Variants in TFEC observed in about 807,000 individuals in gnomAD.
TFEC encodes the protein class E basic helix-loop-helix protein 34.
Under a neutral mutation model 41.6 loss-of-function variants are expected in TFEC, and 31 were observed. The ratio of observed to expected loss-of-function variants is 0.74; its 90% CI spans 0.56 to 1.01. The LOEUF (loss-of-function observed/expected upper bound fraction) is 1.01. TFEC is among the 50% of genes least tolerant of loss of function. The pLI is 0.00. For synonymous variants in TFEC, 143 were observed against 140.6 expected (o/e 1.02, Z -0.12); for missense variants, 402 against 404.1 (o/e 0.99, Z 0.04).
intron 3 of TFEC, among the ~76,000 whole-genome samples, chr7:116,099,314 T>C (rs890309522): frequency 2.0e-5 from 3 of 152,188 alleles, no homozygotes; most frequent in Non-Finnish European, 4.4e-5. Context: ...TGCACCATGT[T>C]AAATAATTAG....
At chr7:115,988,186 A>T (rs1406073520) in intron 1 of TFEC, among the ~76,000 whole-genome samples, 1 of 152,164 alleles carries the variant, frequency 6.6e-6, no homozygotes, top group Non-Finnish European at 1.5e-5. Flanking sequence ...TACAAGACAT[A>T]CTAAAAGGCT....
rs370317339 is a variant in TFEC, at chr7:116,095,257, A to G, written c.198+15451T>C. ...TCACCTTAAATCCTATTTTTTTCAT[A>G]AAGTTTTTCTGTTTTATTGAAAACA... On this transcript the variant is annotated intron_variant, in intron 3 of 8. Coordinates refer to the TFEC transcript ENST00000484212. 6.6e-5 allele frequency among the ~76,000 whole-genome samples: 10 copies of G among 152,158 alleles called. No individual in the cohort carries two copies. In the East Asian group the frequency reaches 1.7e-3, roughly 26 times the overall value.
intron 3 of TFEC, among the ~76,000 whole-genome samples, chr7:116,054,679 T>A (rs183758420): frequency 7.9e-5 from 12 of 152,272 alleles, no homozygotes; most frequent in Admixed American, 7.2e-4. Flanking sequence ...TATAAGTATG[T>A]CTCAAATATG....
chr7:115,961,313 G>T (rs1435084099), intron 3 of TFEC, among the ~76,000 whole-genome samples: 1 of 151,458 alleles, frequency 6.6e-6, no homozygotes, highest in Non-Finnish European at 1.5e-5. Context: ...TTAGAAAATT[G>T]TTAAAAACCT....
chr7:115,937,250 A>C lies in TFEC; in HGVS notation c.*3301T>G, dbSNP rs1428901174. 6.6e-6 allele frequency: 1 copy of C among 151,734 alleles called. No individual in the cohort carries two copies. The highest frequency in any genetic ancestry group is 1.5e-5 in the Non-Finnish European group (1 of 67,728). 9.4% of individuals were successfully genotyped at this position (151,734 alleles called of 1,614,324 possible). ...TTATGAATTAAATCTTTAAATGAAA[A>C]GGGATAATTGTATATTAATTGAATG... On this transcript the variant is annotated 3_prime_UTR_variant, in exon 8 of 8. Coordinates refer to ENST00000265440, the MANE Select transcript of TFEC (RefSeq NM_012252.4).
intron 3 of TFEC, among the ~76,000 whole-genome samples, chr7:116,083,363 T>C (rs911978098): frequency 6.6e-6 from 1 of 151,820 alleles, no homozygotes; most frequent in African/African-American, 2.4e-5. Context: ...TAAAAAAAAA[T>C]TTGTATATTT....
chr7:116,016,927 T>G (rs546637367), intron 1 of TFEC, among the ~76,000 whole-genome samples: 1 of 152,270 alleles, frequency 6.6e-6, no homozygotes, highest in African/African-American at 2.4e-5. Context: ...CTCCTTAGTC[T>G]TGTCCAATTC....
At chr7:115,940,990 G>T in intron 7 of TFEC, 59 bp from the exon 8 acceptor site, 2 of 1,443,292 alleles carry the variant, frequency 1.4e-6, no homozygotes, top group Non-Finnish European at 1.9e-6. Flanking sequence ...TAACACTAGA[G>T]AATAAGCCAG....
intron 1 of TFEC, among the ~76,000 whole-genome samples, chr7:116,124,073 C>T (rs1798162650): frequency 6.6e-6 from 1 of 152,030 alleles, no homozygotes; most frequent in African/African-American, 2.4e-5. Flanking sequence ...AACTATATTC[C>T]ATGAGTGGAA....
Position 116,045,113 on chromosome 7 carries a change from GC to G in TFEC, c.199-60601del, listed in dbSNP as rs1269908077. Among the ~76,000 whole-genome samples, 16 of 152,324 alleles carry G rather than the reference GC, an allele frequency of 1.1e-4. No homozygotes were observed. The South Asian group carries it at 3.3e-3, about 32-fold the overall frequency. ...GGCAGAGGTTGGAACAGTTTAGAGG[GC>G]TCAGAAGAAGACAGGAAAATATGGG... On this transcript the variant is annotated intron_variant, in intron 3 of 8. Transcript: ENST00000484212.
At chr7:116,041,828 A>G (rs1435019432) in intron 3 of TFEC, among the ~76,000 whole-genome samples, 4 of 152,196 alleles carry the variant, frequency 2.6e-5, no homozygotes, top group African/African-American at 4.8e-5. Context: ...AGACGCATGC[A>G]CACATGCAAA....
intron 1 of TFEC, among the ~76,000 whole-genome samples, chr7:116,146,591 TAC>T (rs1326079274): frequency 6.6e-6 from 1 of 152,168 alleles, no homozygotes; most frequent in Non-Finnish European, 1.5e-5. Flanking sequence ...GTTGGTAGGA[TAC>T]ACAGTTTCCT....
chr7:115,994,009 T>C (rs1017247738), intron 1 of TFEC, among the ~76,000 whole-genome samples: 1 of 152,118 alleles, frequency 6.6e-6, no homozygotes, highest in Non-Finnish European at 1.5e-5. Context: ...AAAACAGAGA[T>C]ATAGACCTAT....
chr7:115,940,614 A>C lies in TFEC; in HGVS notation c.981T>G (p.Pro327=). ...GTDPLLSATS[P]AVSKESSRRS... ...TCCTACTGCTTTCTTTGGAAACTGC[A>C]GGGGAAGTGGCAGATAGCAGAGGAT... The change falls in exon 8 of 8, where the codon CCT becomes CCG. Residue 327 remains proline (P), a synonymous_variant. Coordinates refer to ENST00000265440, the MANE Select transcript of TFEC (RefSeq NM_012252.4). 3 of 1,613,454 alleles carry C rather than the reference A, an allele frequency of 1.9e-6. No individual in the cohort carries two copies. The African/African-American group carries it at 4.0e-5, about 22-fold the overall frequency.
At chr7:116,059,100 C>T (rs1279571447) in intron 3 of TFEC, among the ~76,000 whole-genome samples, 1 of 151,558 alleles carries the variant, frequency 6.6e-6, no homozygotes, top group East Asian at 1.9e-4. Context: ...TTAAGAAAAT[C>T]AATAACATCG....
intron 3 of TFEC, among the ~76,000 whole-genome samples, chr7:116,046,463 C>A (rs1185154302): frequency 6.6e-6 from 1 of 152,004 alleles, no homozygotes. Context: ...GCTGCGTTTC[C>A]CCTCTTGCCA....
At chr7:115,949,096 A>G (rs1791779648) in intron 6 of TFEC, among the ~76,000 whole-genome samples, 1 of 152,210 alleles carries the variant, frequency 6.6e-6, no homozygotes, top group African/African-American at 2.4e-5. Context: ...ACTCCCATTC[A>G]TAATTGCTTC....
chr7:116,090,875 C>A (rs1797310124), intron 3 of TFEC, among the ~76,000 whole-genome samples: 1 of 151,748 alleles, frequency 6.6e-6, no homozygotes, highest in African/African-American at 2.4e-5. Context: ...GAACAGAAAA[C>A]CAAACACCAC....
At chr7:116,094,225 T>C (rs1194486467) in intron 3 of TFEC, among the ~76,000 whole-genome samples, 1 of 152,126 alleles carries the variant, frequency 6.6e-6, no homozygotes, top group Admixed American at 6.5e-5. Flanking sequence ...ACCTGAACAA[T>C]GTTATAAAAG....
Sources: gnomAD v4.1 joint callset for allele counts (sites outside exome capture counted in the v4.1 genomes callset) on GRCh38, gnomAD v4.1.1 for gene constraint, MANE v1.5 for transcripts, NCBI Gene and HGNC (gene_info 2026-07-23, HGNC 2026-07-21) for gene names.